The following GPC6 variants were observed in gnomAD, a reference collection of about 807,000 sequenced individuals.
GPC6 encodes the protein glypican 6.
In GPC6, 14 loss-of-function variants were observed where a neutral mutation model predicts 55.2. The ratio of observed to expected loss-of-function variants is 0.25; its 90% confidence interval spans 0.17 to 0.40. The LOEUF (loss-of-function observed/expected upper bound fraction) is 0.40. Ranked by LOEUF, GPC6 falls within the 10% of genes least tolerant of loss-of-function variation. The probability of loss-of-function intolerance (pLI) is 1.00; values close to 1 mark genes in which losing one functional copy is unlikely to be tolerated. For missense variants in GPC6, 641 were observed against 708.5 expected (o/e 0.90, Z 1.08); for synonymous variants, 278 against 259.6 (o/e 1.07, Z -0.68).
At chr13:93,318,740 A>G (rs993502768) in intron 1 of GPC6, among the ~76,000 whole-genome samples, 1 of 152,146 alleles carries the variant, frequency 6.6e-6, no homozygotes, top group Non-Finnish European at 1.5e-5. Context: ...AGAGGACAGC[A>G]ATTGGCAATG....
At chr13:94,276,705 C>T (rs1418248807) in intron 4 of GPC6, among the ~76,000 whole-genome samples, 3 of 152,030 alleles carry the variant, frequency 2.0e-5, no homozygotes, top group Non-Finnish European at 2.9e-5. Flanking sequence ...TTTTCTGCAC[C>T]TGTGTTAGTT....
chr13:93,880,735 C>A (rs1481673625), intron 3 of GPC6, among the ~76,000 whole-genome samples: 1 of 151,740 alleles, frequency 6.6e-6, no homozygotes, highest in African/African-American at 2.4e-5. Flanking sequence ...AATAAAAAAT[C>A]ATCGAACCAT....
chr13:93,268,588 G>C (rs1877405731), intron 1 of GPC6, among the ~76,000 whole-genome samples: 1 of 152,026 alleles, frequency 6.6e-6, no homozygotes, highest in Admixed American at 6.5e-5. Context: ...GTGAATTTAG[G>C]AAAGAGAGTA....
intron 4 of GPC6, among the ~76,000 whole-genome samples, chr13:94,030,231 G>T (rs1275634112): frequency 6.6e-6 from 1 of 151,944 alleles, no homozygotes; most frequent in Non-Finnish European, 1.5e-5. Flanking sequence ...GGATGGTCTC[G>T]ATTTCCTGAC....
chr13:93,248,670 C>T (rs978649658), intron 1 of GPC6, among the ~76,000 whole-genome samples: 17 of 152,118 alleles, frequency 1.1e-4, no homozygotes, highest in African/African-American at 3.6e-4. Context: ...ACCTCCCGGG[C>T]ACTGCTGGGA....
chr13:93,560,495 G>A (rs766374109), intron 2 of GPC6, among the ~76,000 whole-genome samples: 12 of 151,996 alleles, frequency 7.9e-5, no homozygotes, highest in Non-Finnish European at 1.8e-4. Context: ...ACTGTAGCCT[G>A]GGCAACAGAG....
At chr13:94,160,096 A>C (rs544573197) in intron 4 of GPC6, among the ~76,000 whole-genome samples, 8 of 152,322 alleles carry the variant, frequency 5.3e-5, no homozygotes, top group African/African-American at 1.9e-4. Context: ...AAAATATTCC[A>C]TACGATAAGA....
In GPC6 at chr13:93,588,367, A is replaced by AGTGT. The variant is rs71123497; in HGVS notation, c.319+42977_319+42980dup. Among the ~76,000 whole-genome samples, 328 of 150,492 alleles carry AGTGT rather than the reference A, an allele frequency of 2.2e-3. 1 individual carries two copies. Among genetic ancestry groups the AGTGT allele is most frequent in the African/African-American group, 6.7e-3 (273 of 40,970 alleles). ...GCTTTTAAAACAAGAGTGGCTATTA[A>AGTGT]GTGTGTGTGTGTGTGTGTGTGTGTG... On this transcript the variant is annotated intron_variant, in intron 2 of 8. Transcript: ENST00000377047.
intron 4 of GPC6, among the ~76,000 whole-genome samples, chr13:94,231,560 A>G (rs1397924249): frequency 2.0e-5 from 3 of 152,216 alleles, no homozygotes; most frequent in South Asian, 2.1e-4. Flanking sequence ...TTAAAAATCA[A>G]TGCTAAATGT....
At chr13:93,694,646 A>G (rs1198580566) in intron 2 of GPC6, among the ~76,000 whole-genome samples, 1 of 152,172 alleles carries the variant, frequency 6.6e-6, no homozygotes, top group Non-Finnish European at 1.5e-5. Flanking sequence ...GCCTTGTGCC[A>G]GATGCAGGCT....
intron 2 of GPC6, among the ~76,000 whole-genome samples, chr13:93,592,334 G>A (rs1286755386): frequency 2.7e-5 from 4 of 147,902 alleles, no homozygotes; most frequent in East Asian, 2.0e-4. Context: ...ACAGGCGTGC[G>A]CCCCCATGCC....
At chr13:93,626,505 C>T (rs1299038695) in intron 2 of GPC6, among the ~76,000 whole-genome samples, 1 of 152,054 alleles carries the variant, frequency 6.6e-6, no homozygotes, top group African/African-American at 2.4e-5. Flanking sequence ...TCTTGCACTG[C>T]TATAAAAAAT....
intron 5 of GPC6, among the ~76,000 whole-genome samples, chr13:94,305,550 AAGAGAACACTTGTTTAC>A (rs1239551599): frequency 6.6e-6 from 1 of 152,188 alleles, no homozygotes; most frequent in Non-Finnish European, 1.5e-5. Context: ...ATAGACCACA[AAGAGAACACTTGTTTAC>A]AGTCTGAGAG....
intron 3 of GPC6, among the ~76,000 whole-genome samples, chr13:93,950,563 C>T: frequency 6.6e-6 from 1 of 152,140 alleles, no homozygotes; most frequent in Admixed American, 6.6e-5. Context: ...ATGCTAATCC[C>T]ACTTGTCCTT....
chr13:93,621,200 G>GAAAGGGA (rs1244235572), intron 2 of GPC6, among the ~76,000 whole-genome samples: 10 of 152,128 alleles, frequency 6.6e-5, no homozygotes, highest in Non-Finnish European at 1.2e-4. Flanking sequence ...GCTCATCTCA[G>GAAAGGGA]AAAGGGAAAA....
chr13:93,675,724 AC>A (rs1316561853), intron 2 of GPC6, among the ~76,000 whole-genome samples: 1 of 152,152 alleles, frequency 6.6e-6, no homozygotes, highest in Non-Finnish European at 1.5e-5. Context: ...GACTATTTTA[AC>A]CCATTTATAT....
chr13:94,371,749 G>C (rs1879553499), intron 6 of GPC6, among the ~76,000 whole-genome samples: 1 of 152,134 alleles, frequency 6.6e-6, no homozygotes, highest in Non-Finnish European at 1.5e-5. Context: ...GAAAAAAATA[G>C]TAAAATGAAC....
At chr13:93,927,686 T>TG (rs1174247380) in intron 3 of GPC6, among the ~76,000 whole-genome samples, 1 of 92,742 alleles carries the variant, frequency 1.1e-5, no homozygotes, top group African/African-American at 5.1e-5. Flanking sequence ...TCCTTCTTTG[T>TG]GAAAAAAAAA....
chr13:94,126,614 ATCT>A (rs1886825657), intron 4 of GPC6, among the ~76,000 whole-genome samples: 1 of 152,166 alleles, frequency 6.6e-6, no homozygotes, highest in Non-Finnish European at 1.5e-5. Flanking sequence ...ATTTAATGTC[ATCT>A]TCTCATCAAT....
Sources: gnomAD v4.1 joint callset for allele counts (sites outside exome capture counted in the v4.1 genomes callset) on GRCh38, gnomAD v4.1.1 for gene constraint, MANE v1.5 for transcripts, NCBI Gene and HGNC (gene_info 2026-07-23, HGNC 2026-07-21) for gene names.